Variants in SUGCT observed in about 807,000 individuals in gnomAD.
The protein encoded by SUGCT is succinyl-CoA:glutarate CoA-transferase.
SUGCT carries 41 observed loss-of-function variants against 55.0 expected under a neutral mutation model. The ratio of observed to expected loss-of-function variants is 0.74; its 90% CI spans 0.58 to 0.97. The LOEUF is 0.97. Among genes scored for constraint, SUGCT ranks in the 50% least tolerant of loss-of-function variants. The pLI is 0.00. For missense variants in SUGCT, 568 were observed against 547.8 expected (o/e 1.04, Z -0.37); for synonymous variants, 187 against 200.4 (o/e 0.93, Z 0.56).
chr7:40,912,262 A>C, the SUGCT span, among the ~76,000 whole-genome samples: 4 of 152,070 alleles, frequency 2.6e-5, no homozygotes, highest in Non-Finnish European at 4.4e-5. Context: ...GTTATTTTTA[A>C]ATTCTTGCCC....
intron 12 of SUGCT, among the ~76,000 whole-genome samples, chr7:40,733,187 A>G (rs563305948): frequency 6.6e-6 from 1 of 152,282 alleles, no homozygotes; most frequent in South Asian, 2.1e-4. Context: ...TTTAGTTTCT[A>G]TGTATTTCCA....
At chr7:40,908,340 G>A in the SUGCT span, among the ~76,000 whole-genome samples, 6 of 141,046 alleles carry the variant, frequency 4.3e-5, no homozygotes, top group East Asian at 1.1e-3. Context: ...CTGAGATCAC[G>A]CCACTGCATT....
the SUGCT span, among the ~76,000 whole-genome samples, chr7:41,017,322 C>T: frequency 7.2e-6 from 1 of 139,086 alleles, no homozygotes; most frequent in Non-Finnish European, 1.6e-5. Flanking sequence ...CATAAAGATG[C>T]GATACATGGG....
intron 1 of SUGCT, chr7:40,141,883 C>T (rs929493283): frequency 4.9e-5 from 19 of 388,340 alleles, no homozygotes; most frequent in African/African-American, 3.1e-4. Context: ...GGTGAGCACA[C>T]ACCTGGACAA....
chr7:41,012,450 TA>T, the SUGCT span, among the ~76,000 whole-genome samples: 1 of 152,158 alleles, frequency 6.6e-6, no homozygotes, highest in African/African-American at 2.4e-5. Flanking sequence ...TCTTAACCTG[TA>T]AAATAGGAAC....
intron 11 of SUGCT, among the ~76,000 whole-genome samples, chr7:40,482,842 CTG>C (rs1338116320): frequency 1.3e-5 from 2 of 152,142 alleles, no homozygotes; most frequent in Non-Finnish European, 2.9e-5. Context: ...ACCCACATAA[CTG>C]TTGTTTTTAA....
chr7:40,530,795 A>G (rs1005869200), intron 12 of SUGCT, among the ~76,000 whole-genome samples: 8 of 152,222 alleles, frequency 5.3e-5, no homozygotes, highest in African/African-American at 1.9e-4. Context: ...TATATCACAG[A>G]CAACTAAGCC....
chr7:40,177,925 A>G (rs7806560), intron 1 of SUGCT, among the ~76,000 whole-genome samples: 77,567 of 151,818 alleles, frequency 0.51, 20,215 homozygotes, highest in Middle Eastern at 0.65. Context: ...AAATGTTTGT[A>G]TTTTTGTAGA....
intron 13 of SUGCT, among the ~76,000 whole-genome samples, chr7:40,832,532 G>A (rs769983593): frequency 1.3e-5 from 2 of 149,752 alleles, no homozygotes; most frequent in Admixed American, 1.3e-4. Flanking sequence ...TTTCTGTTTG[G>A]TTGGTTTTTT....
intron 12 of SUGCT, among the ~76,000 whole-genome samples, chr7:40,677,595 A>G (rs1277512575): frequency 6.6e-6 from 1 of 152,174 alleles, no homozygotes; most frequent in East Asian, 1.9e-4. Flanking sequence ...TTTATAAGAC[A>G]GCTTCCTCAG....
intron 3 of SUGCT, among the ~76,000 whole-genome samples, chr7:40,185,179 T>C (rs1266053889): frequency 2.6e-5 from 4 of 152,206 alleles, no homozygotes; most frequent in African/African-American, 9.7e-5. Context: ...ATTTTCTAGC[T>C]CAACATTTGT....
intron 8 of SUGCT, among the ~76,000 whole-genome samples, chr7:40,291,831 A>G (rs1793798245): frequency 6.6e-6 from 1 of 152,134 alleles, no homozygotes; most frequent in Non-Finnish European, 1.5e-5. Flanking sequence ...TAATGGTAGC[A>G]AGAAGTTGAA....
chr7:40,237,664 C>G lies in SUGCT; in HGVS notation c.514C>G (p.Arg172Gly). ...GYGQTGPISQ[R>G]AGYDAVASAV... is the part of the protein sequence containing the mutation. ...TGGTCAGACAGGTCCAATTTCTCAG[C>G]GAGCTGGTTATGATGCTGTTGCCTC... The change falls in exon 7 of 14, where the codon CGA becomes GGA. Residue 172 changes from arginine to glycine, a missense_variant. By Grantham distance (125) the Arg-to-Gly change is moderately radical. Coordinates refer to ENST00000335693, the MANE Select transcript of SUGCT (RefSeq NM_001193313.2). The G allele has an allele frequency of 1.9e-6, 3 of 1,613,814 alleles. No homozygotes were observed. Among genetic ancestry groups the G allele is most frequent in the East Asian group, 2.2e-5 (1 of 44,878 alleles).
At chr7:40,209,880 G>C (rs974921739) in intron 6 of SUGCT, among the ~76,000 whole-genome samples, 3 of 152,186 alleles carry the variant, frequency 2.0e-5, no homozygotes, top group Non-Finnish European at 4.4e-5. Context: ...TTTGGCCCAA[G>C]TTTTTCTAGG....
chr7:40,578,780 C>T (rs1399744932), intron 12 of SUGCT, among the ~76,000 whole-genome samples: 3 of 152,206 alleles, frequency 2.0e-5, no homozygotes, highest in Non-Finnish European at 4.4e-5. Flanking sequence ...AAAGACCTAT[C>T]ATTCCTATCC....
At position 40,791,253 on chromosome 7, in the gene SUGCT, T is replaced by A. The variant is rs140419071; in HGVS notation, c.1153+41756T>A. Among the ~76,000 whole-genome samples, 537 of 152,342 alleles carry A rather than the reference T, an allele frequency of 3.5e-3. 2 individuals carry two copies. Among genetic ancestry groups the A allele is most frequent in the Middle Eastern group, 0.02 (6 of 294 alleles). On this transcript the variant is annotated intron_variant, in intron 13 of 13. Transcript: ENST00000335693. ...TTAAAATTAGTGTAACACAAATTTG[T>A]CTTCATCAGATTTCAAAAGAACCAT...
chr7:40,414,829 G>A (rs1275558036), intron 9 of SUGCT, among the ~76,000 whole-genome samples: 4 of 151,916 alleles, frequency 2.6e-5, no homozygotes, highest in African/African-American at 9.7e-5. Context: ...AATCACCTGA[G>A]GTCAAGAGTT....
At chr7:40,667,561 C>A (rs1449519516) in intron 12 of SUGCT, among the ~76,000 whole-genome samples, 2 of 147,530 alleles carry the variant, frequency 1.4e-5, no homozygotes, top group Non-Finnish European at 3.0e-5. Context: ...GACTATGAAT[C>A]TACATCTGGC....
At chr7:40,711,336 C>G (rs1785708850) in intron 12 of SUGCT, among the ~76,000 whole-genome samples, 2 of 151,994 alleles carry the variant, frequency 1.3e-5, no homozygotes, top group Admixed American at 6.6e-5. Flanking sequence ...ATGGTGAAAC[C>G]CTGTCTGTAC....
Sources: allele counts gnomAD v4.1 joint callset (sites outside exome capture counted in the v4.1 genomes callset), GRCh38; gene constraint gnomAD v4.1.1; transcripts MANE v1.5; gene names NCBI Gene and HGNC (gene_info 2026-07-23, HGNC 2026-07-21).